The following IRAG1 variants were observed in gnomAD, a reference collection of about 807,000 sequenced individuals.
The protein encoded by IRAG1 is inositol 1,4,5-triphosphate receptor associated 1, also known as IP3R-associated cGMP kinase substrate.
A neutral mutation model predicts 106.2 loss-of-function variants in IRAG1; 62 were observed. The ratio of observed to expected loss-of-function variants is 0.58; its 90% CI spans 0.48 to 0.72. IRAG1 has a LOEUF of 0.72. Ranked by LOEUF, IRAG1 falls within the 30% of genes least tolerant of loss-of-function variation. The pLI, the probability that IRAG1 is intolerant of heterozygous loss-of-function variation, is 0.00. For synonymous variants in IRAG1, 462 were observed against 443.9 expected, an observed-to-expected ratio of 1.04 and a Z score of -0.51; for missense variants, 1,064 against 1,140.7, an observed-to-expected ratio of 0.93 and a Z score of 0.97.
intron 1 of IRAG1, among the ~76,000 whole-genome samples, chr11:10,686,564 C>T (rs918874234): frequency 6.6e-6 from 1 of 152,144 alleles, no homozygotes; most frequent in African/African-American, 2.4e-5. Flanking sequence ...TGCCCTGCCC[C>T]GAGAGCTCAG....
chr11:10,594,162 G>C lies in IRAG1; in HGVS notation c.2051C>G (p.Ser684Cys). 6.2e-7 allele frequency: 1 copy of C among 1,609,848 alleles called. No individual in the cohort carries two copies. The highest frequency in any genetic ancestry group is 8.5e-7 in the Non-Finnish European group (1 of 1,178,302). ...DGVPRTARSM[S>C]LTLGKNMPRR... ...CATGCATACCTTTCCCAGCGTGAGG[G>C]ACATGGACCGTGCCGTGCGAGGGAC... The change falls in exon 16 of 21, where the codon TCC (serine) becomes TGC (cysteine). Residue 684 changes from serine (S) to cysteine (C), a missense_variant. By Grantham distance (112) the Ser-to-Cys change is moderately radical (BLOSUM62 -1). Transcript: ENST00000423302.
chr11:10,681,608 T>A (rs1047428025), intron 1 of IRAG1, among the ~76,000 whole-genome samples: 4 of 152,160 alleles, frequency 2.6e-5, no homozygotes, highest in Non-Finnish European at 4.4e-5. Flanking sequence ...GGGTGAATGG[T>A]TCACAGATGA....
At chr11:10,663,300 T>C (rs1859537174) in intron 1 of IRAG1, among the ~76,000 whole-genome samples, 1 of 152,150 alleles carries the variant, frequency 6.6e-6, no homozygotes, top group Admixed American at 6.5e-5. Context: ...TTCCTCCTAC[T>C]TCTCCATCAT....
At chr11:10,630,571 A>G (rs1426415043) in intron 4 of IRAG1, among the ~76,000 whole-genome samples, 2 of 152,038 alleles carry the variant, frequency 1.3e-5, no homozygotes, top group Non-Finnish European at 2.9e-5. Flanking sequence ...GAGCTCCTCC[A>G]TCCCATCCCC....
chr11:10,649,393 C>G (rs1409195787), intron 2 of IRAG1, among the ~76,000 whole-genome samples: 1 of 152,144 alleles, frequency 6.6e-6, no homozygotes, highest in East Asian at 1.9e-4. Flanking sequence ...GAGGGCTGGG[C>G]TGAACAGGCA....
Position 10,658,563 on chromosome 11 carries a change from G to A in IRAG1, c.68-6381C>T, listed in dbSNP as rs149351470. 2.0e-3 allele frequency: 319 copies of A among 157,986 alleles called. 1 individual carries two copies. The highest frequency in any genetic ancestry group is 7.5e-3 in the African/African-American group (310 of 41,602). The allele number at this position is 157,986 out of a possible 1,614,324, so 9.8% of individuals were successfully genotyped here. On this transcript the variant is annotated intron_variant, in intron 1 of 20. Coordinates refer to ENST00000423302, the MANE Select transcript of IRAG1 (RefSeq NM_130385.4). Reference sequence around the variant, plus strand: ...CTGGTGTTCATCCTAGTGGCTCAGAGCTCCCAGATTTGTCTCCTGCAAGTA... The same window carrying A: ...CTGGTGTTCATCCTAGTGGCTCAGAACTCCCAGATTTGTCTCCTGCAAGTA...
intron 11 of IRAG1, among the ~76,000 whole-genome samples, chr11:10,607,215 T>A (rs909767405): frequency 6.6e-6 from 1 of 152,196 alleles, no homozygotes; most frequent in Non-Finnish European, 1.5e-5. Context: ...TTATAACTCA[T>A]ACACATCTAA....
chr11:10,592,644 G>T (rs1165892380), intron 17 of IRAG1, among the ~76,000 whole-genome samples: 1 of 152,152 alleles, frequency 6.6e-6, no homozygotes, highest in Non-Finnish European at 1.5e-5. Context: ...ATGCACAAAG[G>T]CCTGGGATAC....
intron 10 of IRAG1, among the ~76,000 whole-genome samples, chr11:10,618,215 G>GTCCC (rs1855575281): frequency 2.0e-5 from 3 of 152,074 alleles, no homozygotes; most frequent in African/African-American, 7.2e-5. Flanking sequence ...TGCTTGGGAT[G>GTCCC]ACTTTCTCTT....
At chr11:10,604,653 C>T (rs1247826896) in intron 12 of IRAG1, 108 bp from the exon 13 acceptor site, 16 of 1,316,640 alleles carry the variant, frequency 1.2e-5, no homozygotes, top group Admixed American at 7.7e-5. Context: ...CTGGAACAGC[C>T]GCCAAAGCAC....
intron 11 of IRAG1, among the ~76,000 whole-genome samples, chr11:10,607,759 G>A (rs955384830): frequency 1.3e-5 from 2 of 152,116 alleles, no homozygotes; most frequent in Admixed American, 6.6e-5. Context: ...TCTCTGCAGG[G>A]GGCTGGTTCT....
At chr11:10,653,970 C>A (rs1261451802) in intron 1 of IRAG1, among the ~76,000 whole-genome samples, 1 of 152,168 alleles carries the variant, frequency 6.6e-6, no homozygotes, top group Non-Finnish European at 1.5e-5. Flanking sequence ...ATGCAGATAA[C>A]ATAGTGAGGT....
At position 10,657,110 on chromosome 11, in the gene IRAG1, A is replaced by G. The variant is rs1242609711; in HGVS notation, c.68-4928T>C. Among the ~76,000 whole-genome samples, 1 of 152,228 alleles carries G rather than the reference A, an allele frequency of 6.6e-6. No individual in the cohort carries two copies. The highest frequency in any genetic ancestry group is 1.5e-5 in the Non-Finnish European group (1 of 68,044). On this transcript the variant is annotated intron_variant, in intron 1 of 20. Coordinates refer to ENST00000423302, the MANE Select transcript of IRAG1 (RefSeq NM_130385.4). This position sits in a 1 kb window ranked among gnomAD's most constrained non-coding sequence, Gnocchi z 4.1. ...AAGGCCTTACTGTATCCCAGAAAGT[A>G]TAGAGCCATCATCGGGACGCACGGT...
intron 11 of IRAG1, among the ~76,000 whole-genome samples, chr11:10,607,741 G>C (rs1854597489): frequency 6.6e-6 from 1 of 152,104 alleles, no homozygotes; most frequent in South Asian, 2.1e-4. Flanking sequence ...AAAGGTAGGG[G>C]TCAGCCATCT....
At chr11:10,690,407 T>C (rs1861970642) in intron 1 of IRAG1, 1 of 1,285,396 alleles carries the variant, frequency 7.8e-7, no homozygotes, top group Non-Finnish European at 1.0e-6. Flanking sequence ...CGACCAACTG[T>C]CCTCTGCTTT....
intron 17 of IRAG1, 102 bp downstream of exon 17, chr11:10,593,390 T>A (rs1241199787): frequency 1.2e-6 from 1 of 853,334 alleles, no homozygotes; most frequent in African/African-American, 1.7e-5. Flanking sequence ...CTCTCCTTGT[T>A]GACCCTGCCC....
chr11:10,689,163 C>T (rs767235232), intron 1 of IRAG1, among the ~76,000 whole-genome samples: 6 of 151,942 alleles, frequency 3.9e-5, no homozygotes, highest in South Asian at 4.2e-4. Flanking sequence ...AAAATGAAAA[C>T]GGTTATTAAA....
intron 14 of IRAG1, 28 bp from the exon 15 acceptor site, chr11:10,601,087 G>C (rs369370595): frequency 6.2e-7 from 1 of 1,611,836 alleles, no homozygotes; most frequent in Non-Finnish European, 8.5e-7. Flanking sequence ...ATGAGTGCAT[G>C]AGGCCATTGG....
In IRAG1 at chr11:10,573,519, T is replaced by C. The variant is rs571235434; in HGVS notation, c.*2813A>G. ...GCTGGTCTTTGCTTTCCAGAAAAGA[T>C]GGACTCATGAGCACTTTTTCAGCCC... On this transcript the variant is annotated 3_prime_UTR_variant, in exon 21 of 21. Transcript: ENST00000423302. 1.3e-5 allele frequency: 2 copies of C among 152,412 alleles called. No individual in the cohort carries two copies. The highest frequency in any genetic ancestry group is 4.8e-5 in the African/African-American group (2 of 41,590). The allele number at this position is 152,412 out of a possible 1,614,324, so 9.4% of individuals were successfully genotyped here. A position where few individuals can be genotyped will look rare whatever the true frequency, so the allele number is the denominator to read the frequency against.
Sources: gnomAD v4.1 joint callset for allele counts (sites outside exome capture counted in the v4.1 genomes callset) on GRCh38, gnomAD v4.1.1 for gene constraint, Gnocchi (gnomAD v3.1) non-coding constraint, MANE v1.5 for transcripts, NCBI Gene and HGNC (gene_info 2026-07-23, HGNC 2026-07-21) for gene names.